ASB10: variants seen among roughly 807,000 people sequenced by gnomAD.
The protein encoded by ASB10 is ankyrin repeat and SOCS box protein 10.
A neutral mutation model predicts 35.4 loss-of-function variants in ASB10; 44 were observed. That is an observed-to-expected ratio of 1.24 (90% CI 0.98 to 1.60). The LOEUF (loss-of-function observed/expected upper bound fraction) is 1.60, where lower values mean the gene tolerates loss of function less well. ASB10 is among the 40% of genes most tolerant of loss of function. The pLI, the probability that ASB10 is intolerant of heterozygous loss-of-function variation, is 0.00. For missense variants in ASB10, 647 were observed against 634.3 expected (o/e 1.02, Z -0.22); for synonymous variants, 294 against 280.4 (o/e 1.05, Z -0.49).
intron 3 of ASB10, among the ~76,000 whole-genome samples, chr7:151,177,292 G>A (rs367609529): frequency 2.0e-5 from 3 of 152,370 alleles, no homozygotes; most frequent in African/African-American, 7.2e-5. Context: ...CCCTGCAAGG[G>A]ATGGACTGTT....
Position 151,176,290 on chromosome 7 carries a change from T to C in ASB10, c.1226A>G (p.Gln409Arg), listed in dbSNP as rs1008876733. The change falls in exon 5 of 6, where the codon CAG becomes CGG. Residue 409 changes from glutamine to arginine, a missense_variant. Gln to Arg is a conservative substitution (Grantham distance 43). Coordinates refer to ENST00000420175, the MANE Select transcript of ASB10 (RefSeq NM_001142459.2). ...LVTPETLQKH[Q>R]RFYSSLFALV... ...GGCGAAGAGGGAGGAGTAGAAACGC[T>C]GATGTTTCTGGGGGCAGAACAAGGG... is the stretch of plus-strand genomic sequence containing the variant. The C allele has an allele frequency of 2.3e-5, 35 of 1,544,824 alleles. No individual in the cohort carries two copies. Among genetic ancestry groups the C allele is most frequent in the Non-Finnish European group, 3.0e-5 (34 of 1,146,610 alleles).
At chr7:151,184,686 A>G (rs893574531) in intron 2 of ASB10, among the ~76,000 whole-genome samples, 5 of 152,134 alleles carry the variant, frequency 3.3e-5, no homozygotes, top group African/African-American at 1.2e-4. Flanking sequence ...TGGTTGAACA[A>G]CAACATGAAT....
intron 3 of ASB10, among the ~76,000 whole-genome samples, chr7:151,180,649 G>A (rs567448970): frequency 1.3e-5 from 2 of 152,226 alleles, no homozygotes; most frequent in East Asian, 1.9e-4. Context: ...CCCCCAGTCC[G>A]CCTTTATCAC....
In ASB10 at chr7:151,186,968, C is replaced by T. The variant is rs1370958351; in HGVS notation, c.163G>A (p.Ala55Thr). The change falls in exon 1 of 6, where the codon GCC becomes ACC. Residue 55 changes from alanine (A) to threonine (T), a missense_variant. Transcript: ENST00000420175. ...AGCACTGCCTGCCAGAAGGCAAGGG[C>T]AGGTCCTGAGGCTGTGCGGGTGACG... ...PIVTRTASGP[A>T]LAFWQAVLAG... is the part of the protein sequence containing the mutation. 6.2e-7 allele frequency: 1 copy of T among 1,613,846 alleles called. No homozygotes were observed. Among genetic ancestry groups the T allele is most frequent in the Middle Eastern group, 1.6e-4 (1 of 6,062 alleles).
upstream of ASB10, chr7:151,187,638 G>T (rs1023075063): frequency 1.3e-6 from 2 of 1,536,950 alleles, no homozygotes; most frequent in Non-Finnish European, 1.8e-6. This position sits in a 1 kb window ranked among gnomAD's most constrained non-coding sequence, Gnocchi z 5.3. Context: ...CGGGAGTGGG[G>T]CCTCCAGATC....
At chr7:151,185,112 C>CTTTT (rs751001812) in intron 2 of ASB10, among the ~76,000 whole-genome samples, 5 of 127,992 alleles carry the variant, frequency 3.9e-5, no homozygotes, top group Admixed American at 7.9e-5. Flanking sequence ...ACATATTTGT[C>CTTTT]TTTTTTTTTT....
At chr7:151,184,933 G>A (rs992099268) in intron 2 of ASB10, among the ~76,000 whole-genome samples, 1 of 150,714 alleles carries the variant, frequency 6.6e-6, no homozygotes, top group Non-Finnish European at 1.5e-5. Flanking sequence ...GAGGCAGGAG[G>A]ATGGCGTGAA....
chr7:151,187,483 G>A (rs768342218), upstream of ASB10: 33 of 1,551,196 alleles, frequency 2.1e-5, no homozygotes, highest in African/African-American at 5.5e-5. The surrounding 1 kb of genome is among the most constrained non-coding windows in gnomAD (Gnocchi z 5.3). Flanking sequence ...GAGGCTCTGC[G>A]GCCCGGCTCT....
At chr7:151,176,416 A>G (rs920855248) in intron 4 of ASB10, 119 bp from the exon 5 acceptor site, 3 of 1,460,506 alleles carry the variant, frequency 2.1e-6, no homozygotes, top group Non-Finnish European at 2.7e-6. Context: ...ATTAGAAACA[A>G]TGAATGTTTG....
chr7:151,186,307 C>T, intron 2 of ASB10, 85 bp downstream of exon 2: 1 of 1,465,462 alleles, frequency 6.8e-7, no homozygotes, highest in South Asian at 1.4e-5. Context: ...TCCCAGGTCC[C>T]TGACATTTTC....
At chr7:151,176,529 G>T in intron 4 of ASB10, 34 bp downstream of exon 4, 1 of 1,532,564 alleles carries the variant, frequency 6.5e-7, no homozygotes, top group South Asian at 1.2e-5. Context: ...GGACCAGGAT[G>T]AGAAGCTCTA....
rs151344616 is a variant in ASB10, at chr7:151,186,932, C to G, written c.199G>C (p.Val67Leu). The G allele has an allele frequency of 1.2e-6, 2 of 1,613,262 alleles. No homozygotes were observed. The highest frequency in any genetic ancestry group is 2.7e-5 in the African/African-American group (2 of 75,064). ...AFWQAVLAGD[V>L]GCVSRILADS... ...GCGAGGATGCGGGAGACACAGCCCA[C>G]GTCCCCAGCCAGCACTGCCTGCCAG... The change falls in exon 1 of 6, where the codon GTG (valine) becomes CTG (leucine). Residue 67 changes from valine to leucine, a missense_variant. Coordinates refer to ENST00000420175, the MANE Select transcript of ASB10 (RefSeq NM_001142459.2).
intron 3 of ASB10, among the ~76,000 whole-genome samples, chr7:151,179,430 G>A (rs142803769): frequency 8.4e-4 from 128 of 152,342 alleles, no homozygotes; most frequent in African/African-American, 3.0e-3. Context: ...TGCTCCGACT[G>A]TTCCCCAGTG....
chr7:151,181,381 A>G lies in ASB10; in HGVS notation c.662T>C (p.Val221Ala). The G allele has an allele frequency of 6.2e-7, 1 of 1,612,922 alleles. No individual in the cohort carries two copies. The highest frequency in any genetic ancestry group is 8.5e-7 in the Non-Finnish European group (1 of 1,179,854). The change falls in exon 3 of 6, where the codon GTG becomes GCG. Residue 221 changes from valine to alanine, a missense_variant. Transcript: ENST00000420175. Reference sequence around the variant, plus strand: ...CTCCACATGGCCAAGCCGGGCGGCCACATGCAAAGGGGTCTCCTCTTCTTC... The same window carrying G: ...CTCCACATGGCCAAGCCGGGCGGCCGCATGCAAAGGGGTCTCCTCTTCTTC... ...SEEEEETPLH[V>A]AARLGHVELA...
intron 2 of ASB10, among the ~76,000 whole-genome samples, chr7:151,184,557 G>T (rs975412591): frequency 2.0e-5 from 3 of 152,148 alleles, no homozygotes; most frequent in Non-Finnish European, 2.9e-5. Context: ...TTCAGAGACA[G>T]AAAGTAACAT....
At chr7:151,179,197 C>A (rs1271956180) in intron 3 of ASB10, among the ~76,000 whole-genome samples, 7 of 152,342 alleles carry the variant, frequency 4.6e-5, no homozygotes, top group African/African-American at 1.7e-4. Flanking sequence ...CTCACAGTAA[C>A]CCTATGAAGA....
chr7:151,180,130 A>C (rs573198050), intron 3 of ASB10, among the ~76,000 whole-genome samples: 99 of 152,248 alleles, frequency 6.5e-4, no homozygotes, highest in Middle Eastern at 3.4e-3. Flanking sequence ...TTCGGTTCTG[A>C]GCCATCTCCT....
chr7:151,187,605 G>A (rs762088193), upstream of ASB10: 3 of 1,544,178 alleles, frequency 1.9e-6, no homozygotes, highest in East Asian at 4.9e-5. The surrounding 1 kb of genome is among the most constrained non-coding windows in gnomAD (Gnocchi z 5.3). Context: ...AGTGGTGATG[G>A]CCGAGGGGGC....
Position 151,180,948 on chromosome 7 carries a change from G to T in ASB10, c.1095C>A (p.Ala365=). 6.5e-7 allele frequency: 1 copy of T among 1,533,500 alleles called. No homozygotes were observed. 95.0% of individuals were successfully genotyped at this position (1,533,500 alleles called of 1,614,324 possible). A position where few individuals can be genotyped will look rare whatever the true frequency, so the allele number is the denominator to read the frequency against. Residue 365 remains alanine (A), a synonymous_variant, in exon 3 of 6, where the codon GCC becomes GCA. Transcript: ENST00000420175. ...NHGAVRVWPG[A]LPKVLERWST... ...CCTGCAGCCCCCATACCTTGGGGAG[G>T]GCCCCTGGCCAGACACGGACGGCGC...
Sources: gnomAD v4.1 joint callset for allele counts (sites outside exome capture counted in the v4.1 genomes callset) on GRCh38, gnomAD v4.1.1 for gene constraint, Gnocchi (gnomAD v3.1) non-coding constraint, MANE v1.5 for transcripts, NCBI Gene and HGNC (gene_info 2026-07-23, HGNC 2026-07-21) for gene names.